The following SUV39H1 variants were observed in gnomAD, a reference collection of about 807,000 sequenced individuals.
The protein encoded by SUV39H1 is histone-lysine N-methyltransferase SUV39H1.
For missense variants in SUV39H1, 180 were observed against 386.3 expected (o/e 0.47, Z 4.48); for synonymous variants, 141 against 150.5 (o/e 0.94, Z 0.46).
chrX:48,699,210 G>A (rs992557860), intron 2 of SUV39H1, 163 bp downstream of exon 2: 7 of 493,955 alleles, frequency 1.4e-5, no homozygotes, highest in Non-Finnish European at 2.2e-5. Flanking sequence ...GTTACAGATA[G>A]GGAAACTAAG....
At position 48,706,310 on chromosome X, in the gene SUV39H1, C is replaced by T. The variant is rs201867779; in HGVS notation, c.874C>T (p.Arg292Cys). Residue 292 changes from arginine (R) to cysteine (C), a missense_variant, in exon 4 of 6, where the codon CGT becomes TGT. Coordinates refer to ENST00000376687, the MANE Select transcript of SUV39H1 (RefSeq NM_003173.4). ...AGAGCGGCGGGGCCAGATCTACGAC[C>T]GTCAGGGCGCCACCTACCTCTTTGA... Reference protein sequence around the residue: ...EAERRGQIYDRQGATYLFDLD... With the variant: ...EAERRGQIYDCQGATYLFDLD... The T allele has an allele frequency of 7.4e-6, 9 of 1,210,611 alleles. No homozygotes were observed. The highest frequency in any genetic ancestry group is 1.0e-5 in the Non-Finnish European group (9 of 895,161).
At chrX:48,705,529 G>A (rs2062488033) in intron 3 of SUV39H1, among the ~76,000 whole-genome samples, 1 of 112,759 alleles carries the variant, frequency 8.9e-6, no homozygotes, top group Non-Finnish European at 1.9e-5. Context: ...CCATTTCCTA[G>A]GACAGGTAGG....
intron 2 of SUV39H1, 62 bp downstream of exon 2, chrX:48,699,109 C>T (rs965312085): frequency 2.7e-6 from 3 of 1,114,214 alleles, no homozygotes; most frequent in Non-Finnish European, 3.6e-6. Flanking sequence ...GTGTCCTGCC[C>T]TCTTGTCCCC....
intron 2 of SUV39H1, 26 bp from the exon 3 acceptor site, chrX:48,700,065 C>A: frequency 1.8e-6 from 2 of 1,126,684 alleles, no homozygotes; most frequent in South Asian, 2.0e-5. Context: ...TTACGGTACC[C>A]CCGTCCCCCT....
rs782798750 is a variant in SUV39H1, at chrX:48,702,868, G to A, written c.828+2115G>A. ...ATGGGTCCTCCTGATGGTGCCACAG[G>A]CCTCCGGAAAGAGCCAAACTCATCT... is the stretch of plus-strand genomic sequence containing the variant. On this transcript the variant is annotated intron_variant, in intron 3 of 5. Coordinates refer to ENST00000376687, the MANE Select transcript of SUV39H1 (RefSeq NM_003173.4). Among the ~76,000 whole-genome samples the A allele has an allele frequency of 2.4e-3, 264 of 111,296 alleles. 2 individuals carry two copies. Among genetic ancestry groups the A allele is most frequent in the African/African-American group, 8.0e-3 (244 of 30,574 alleles).
intron 3 of SUV39H1, among the ~76,000 whole-genome samples, chrX:48,702,222 C>T (rs1602186326): frequency 8.9e-6 from 1 of 112,086 alleles, no homozygotes; most frequent in Non-Finnish European, 1.9e-5. Flanking sequence ...TGACAGTGGG[C>T]GGGGGAAGGA....
chrX:48,703,409 T>C (rs2062481115), intron 3 of SUV39H1, among the ~76,000 whole-genome samples: 1 of 111,483 alleles, frequency 9.0e-6, no homozygotes, highest in Admixed American at 9.5e-5. Flanking sequence ...CTACTGTCCT[T>C]CTTCAGCTGG....
chrX:48,707,662 G>A lies in SUV39H1; in HGVS notation c.*92G>A. ...CCCTCCTGTCGAGAATGACTGCCAG[G>A]GCCTCGCCTGCCTCCACCTGCCCCC... On this transcript the variant is annotated 3_prime_UTR_variant, in exon 6 of 6. Coordinates refer to ENST00000376687, the MANE Select transcript of SUV39H1 (RefSeq NM_003173.4). The A allele has an allele frequency of 9.1e-7, 1 of 1,094,501 alleles. No homozygotes were observed. The highest frequency in any genetic ancestry group is 1.8e-5 in the African/African-American group (1 of 55,470). 90.2% of individuals were successfully genotyped at this position (1,094,501 alleles called of 1,213,427 possible).
intron 3 of SUV39H1, among the ~76,000 whole-genome samples, chrX:48,701,539 G>A (rs1323608455): frequency 9.0e-6 from 1 of 111,715 alleles, no homozygotes; most frequent in Admixed American, 9.5e-5. Context: ...GCCAGGCCTA[G>A]ATGCAGCACC....
chrX:48,696,652 C>A, upstream of SUV39H1: 2 of 910,710 alleles, frequency 2.2e-6, no homozygotes, highest in Non-Finnish European at 1.5e-6. Context: ...TCGGTCACGG[C>A]TCTCCGGTTG....
At chrX:48,696,882 C>G in intron 1 of SUV39H1, 79 bp downstream of exon 1, 1 of 836,101 alleles carries the variant, frequency 1.2e-6, no homozygotes, top group Non-Finnish European at 1.5e-6. Context: ...GGCTCGGGGC[C>G]CCGGCGTCCG....
upstream of SUV39H1, among the ~76,000 whole-genome samples, chrX:48,696,391 C>T (rs2062455053): frequency 8.9e-6 from 1 of 111,889 alleles, no homozygotes; most frequent in African/African-American, 3.2e-5. Context: ...CCCCGGCCTG[C>T]TTGGGGTTAA....
intron 5 of SUV39H1, among the ~76,000 whole-genome samples, chrX:48,707,160 GC>G (rs1367795311): frequency 4.0e-5 from 4 of 100,211 alleles, no homozygotes; most frequent in African/African-American, 1.5e-4. Flanking sequence ...ACGGCTCCCT[GC>G]CTCCCCCAGC....
upstream of SUV39H1, chrX:48,696,724 C>T (rs1200747832): frequency 5.6e-5 from 63 of 1,122,009 alleles, 1 homozygote; most frequent in Non-Finnish European, 7.4e-5. Flanking sequence ...CCGGCCACGC[C>T]CGCGCGAGCG....
chrX:48,702,664 G>A, intron 3 of SUV39H1, among the ~76,000 whole-genome samples: 1 of 111,066 alleles, frequency 9.0e-6, no homozygotes, highest in Middle Eastern at 4.6e-3. Context: ...CGAGGAGGAA[G>A]ACTACACCCC....
At chrX:48,696,722 G>T, upstream of SUV39H1, 1 of 1,122,002 alleles carries the variant, frequency 8.9e-7, no homozygotes, top group Non-Finnish European at 1.2e-6. Context: ...TCCCGGCCAC[G>T]CCCGCGCGAG....
Position 48,700,075 on chromosome X carries a change from T to G in SUV39H1, c.166-16T>G. On this transcript the variant is annotated splice_polypyrimidine_tract_variant and intron_variant, in intron 2 of 5. Transcript: ENST00000376687. The stretch of plus-strand genomic sequence containing the variant: ...ACTACTTACGGTACCCCCGTCCCCC[T>G]ACCCACCCCCAACAGGAACAGGAAT... 26 of 484,027 alleles carry G rather than the reference T, an allele frequency of 5.4e-5. No individual in the cohort carries two copies. The highest frequency in any genetic ancestry group is 8.3e-5 in the Non-Finnish European group (24 of 290,333). 39.9% of individuals were successfully genotyped at this position (484,027 alleles called of 1,213,427 possible). A position where few individuals can be genotyped will look rare whatever the true frequency, so the allele number is the denominator to read the frequency against.
Position 48,708,096 on chromosome X carries a change from C to T in SUV39H1, c.*526C>T, listed in dbSNP as rs974840130. On this transcript the variant is annotated 3_prime_UTR_variant, in exon 6 of 6. Transcript: ENST00000376687. ...TGAAAGAAAGGGGGTCCCTGGGCTA[C>T]GGGCTGAGGCTGGTTTCTGCTCGTG... is the stretch of plus-strand genomic sequence containing the variant. 6 of 212,433 alleles carry T rather than the reference C, an allele frequency of 2.8e-5. No homozygotes were observed. The highest frequency in any genetic ancestry group is 1.3e-4 in the Admixed American group (2 of 14,820). 17.5% of individuals were successfully genotyped at this position (212,433 alleles called of 1,213,427 possible).
At chrX:48,697,199 GA>G (rs2062459496) in intron 1 of SUV39H1, among the ~76,000 whole-genome samples, 1 of 111,654 alleles carries the variant, frequency 9.0e-6, no homozygotes, top group Non-Finnish European at 1.9e-5. Context: ...AAGGGGGACA[GA>G]CCCCCCCTTC....
Sources: allele counts gnomAD v4.1 joint callset (sites outside exome capture counted in the v4.1 genomes callset), GRCh38; gene constraint gnomAD v4.1.1; transcripts MANE v1.5; gene names NCBI Gene and HGNC (gene_info 2026-07-23, HGNC 2026-07-21).